Variants in EFR3B observed in about 807,000 individuals in gnomAD.
EFR3B encodes protein EFR3 homolog B.
In EFR3B, 64 loss-of-function variants were observed where a neutral mutation model predicts 104.7. That is an observed-to-expected ratio of 0.61 (90% CI 0.50 to 0.75). The LOEUF (loss-of-function observed/expected upper bound fraction) is 0.75. Ranked by LOEUF, EFR3B falls within the 30% of genes least tolerant of loss-of-function variation. The probability of loss-of-function intolerance (pLI) is 0.00; values close to 1 mark genes in which losing one functional copy is unlikely to be tolerated. For missense variants in EFR3B, 750 were observed against 1,078.5 expected, an observed-to-expected ratio of 0.70 and a Z score of 4.27; for synonymous variants, 385 against 417.9, an observed-to-expected ratio of 0.92 and a Z score of 0.96.
At chr2:25,081,451 G>A in intron 1 of EFR3B, 3 of 1,435,386 alleles carry the variant, frequency 2.1e-6, no homozygotes, top group Non-Finnish European at 2.9e-6. Flanking sequence ...AGCTTCATCT[G>A]GTGATTTTGC....
chr2:25,059,875 CAAAAAAA>C lies in EFR3B; in HGVS notation c.7+17576_7+17582del, dbSNP rs773320701. Among the ~76,000 whole-genome samples, 147 of 48,758 alleles carry C rather than the reference CAAAAAAA, an allele frequency of 3.0e-3. 2 individuals carry two copies. The highest frequency in any genetic ancestry group is 0.012 in the African/African-American group (135 of 11,020). 32.0% of individuals were successfully genotyped at this position (48,758 alleles called of 152,430 possible). On this transcript the variant is annotated intron_variant, in intron 1 of 22. Coordinates refer to ENST00000403714, the MANE Select transcript of EFR3B (RefSeq NM_014971.2). Reference sequence around the variant, plus strand: ...GGGCAACAAGAGCAAAACTCTGTCTCAAAAAAAAAAAAAAAAAAAAAAAAAAGACTAA... The same window carrying C: ...GGGCAACAAGAGCAAAACTCTGTCTCAAAAAAAAAAAAAAAAAAAGACTAA...
At chr2:25,070,249 C>T (rs1395971663) in intron 1 of EFR3B, among the ~76,000 whole-genome samples, 2 of 152,052 alleles carry the variant, frequency 1.3e-5, no homozygotes, top group African/African-American at 4.8e-5. Flanking sequence ...TTACCGGGGG[C>T]TTCTGATGAT....
At chr2:25,091,143 G>A (rs1330198836) in intron 1 of EFR3B, among the ~76,000 whole-genome samples, 182 bp from the exon 2 acceptor site, 2 of 152,232 alleles carry the variant, frequency 1.3e-5, no homozygotes, top group African/African-American at 4.8e-5. Flanking sequence ...GAGTGTGGGG[G>A]TAGGGGACAA....
intron 1 of EFR3B, among the ~76,000 whole-genome samples, chr2:25,052,791 C>CT (rs1667915680): frequency 6.6e-6 from 1 of 151,420 alleles, no homozygotes; most frequent in Non-Finnish European, 1.5e-5. Context: ...GCATGAGCCA[C>CT]TTTGCCCAGC....
At chr2:25,129,540 C>T (rs974548403) in intron 6 of EFR3B, among the ~76,000 whole-genome samples, 1 of 151,966 alleles carries the variant, frequency 6.6e-6, no homozygotes, top group Non-Finnish European at 1.5e-5. Context: ...AACCACTGTG[C>T]CTTTCCTTTT....
chr2:25,053,000 T>G (rs1457303830), intron 1 of EFR3B, among the ~76,000 whole-genome samples: 1 of 152,238 alleles, frequency 6.6e-6, no homozygotes, highest in Non-Finnish European at 1.5e-5. Context: ...GTCTGGGATT[T>G]GAACCTCAGC....
At chr2:25,118,516 T>G (rs1004405605) in intron 4 of EFR3B, among the ~76,000 whole-genome samples, 1 of 151,926 alleles carries the variant, frequency 6.6e-6, no homozygotes, top group Non-Finnish European at 1.5e-5. Flanking sequence ...TTTCCACATC[T>G]TAGCTATCTT....
chr2:25,151,123 G>A (rs1670995622), intron 20 of EFR3B, among the ~76,000 whole-genome samples: 1 of 151,608 alleles, frequency 6.6e-6, no homozygotes, highest in Admixed American at 6.6e-5. Flanking sequence ...TTTCTTCTTG[G>A]TGCTAACTCA....
intron 3 of EFR3B, among the ~76,000 whole-genome samples, chr2:25,096,773 C>G (rs1277891198): frequency 6.6e-6 from 1 of 152,174 alleles, no homozygotes; most frequent in African/African-American, 2.4e-5. Context: ...GAAGACGGAG[C>G]TGGTCTTGAA....
At chr2:25,056,509 C>T (rs1449225902) in intron 1 of EFR3B, among the ~76,000 whole-genome samples, 3 of 149,850 alleles carry the variant, frequency 2.0e-5, no homozygotes, top group East Asian at 1.9e-4. Context: ...GTCTGTATCT[C>T]GTTGCCTGGA....
At chr2:25,091,523 G>A in intron 2 of EFR3B, 122 bp downstream of exon 2, 1 of 834,878 alleles carries the variant, frequency 1.2e-6, no homozygotes, top group Non-Finnish European at 1.8e-6. Flanking sequence ...GGGTCCCTGG[G>A]CACTGAGCCT....
intron 19 of EFR3B, 54 bp downstream of exon 19, chr2:25,145,105 C>T: frequency 2.0e-6 from 3 of 1,498,408 alleles, no homozygotes; most frequent in Non-Finnish European, 2.7e-6. Context: ...AGATTGGACG[C>T]TGGACTCCAG....
At chr2:25,081,425 TTTTGGCAA>T in intron 1 of EFR3B, 1 of 1,361,992 alleles carries the variant, frequency 7.3e-7, no homozygotes, top group Non-Finnish European at 1.0e-6. Flanking sequence ...GTACCTACTT[TTTTGGCAA>T]TTGCATAAGC....
Position 25,153,693 on chromosome 2 carries a change from TC to T in EFR3B, c.2299-17del, listed in dbSNP as rs1442568530. The stretch of plus-strand genomic sequence containing the variant: ...GACCCCCCACCCCTGCCAGCTCACT[TC>T]CGTGTGTTTGTGTCTAGGCATCGCT... On this transcript the variant is annotated intron_variant, in intron 21 of 22. Coordinates refer to ENST00000403714, the MANE Select transcript of EFR3B (RefSeq NM_014971.2). 2.6e-6 allele frequency: 4 copies of T among 1,550,328 alleles called. No individual in the cohort carries two copies. Among genetic ancestry groups the T allele is most frequent in the Non-Finnish European group, 3.5e-6 (4 of 1,146,882 alleles).
At chr2:25,046,856 A>G (rs1400148887) in intron 1 of EFR3B, among the ~76,000 whole-genome samples, 1 of 152,092 alleles carries the variant, frequency 6.6e-6, no homozygotes, top group Non-Finnish European at 1.5e-5. Flanking sequence ...GCTCCTCCTC[A>G]GGGCGATCCC....
intron 1 of EFR3B, among the ~76,000 whole-genome samples, chr2:25,073,081 A>G (rs1368213031): frequency 6.6e-6 from 1 of 152,250 alleles, no homozygotes; most frequent in Non-Finnish European, 1.5e-5. Context: ...CTGGAATTTG[A>G]AGCATACATT....
chr2:25,124,347 G>A (rs1670105436), intron 5 of EFR3B, among the ~76,000 whole-genome samples: 1 of 149,174 alleles, frequency 6.7e-6, no homozygotes, highest in African/African-American at 2.5e-5. Flanking sequence ...CTCAGGGTCA[G>A]TGGATCAGTA....
At chr2:25,140,217 G>A (rs1218948704) in intron 16 of EFR3B, among the ~76,000 whole-genome samples, 3 of 152,268 alleles carry the variant, frequency 2.0e-5, no homozygotes, top group African/African-American at 7.2e-5. Flanking sequence ...GGAAGCTGAG[G>A]CAGGAGAATC....
intron 4 of EFR3B, among the ~76,000 whole-genome samples, chr2:25,119,232 A>G (rs1669949487): frequency 6.6e-6 from 1 of 152,218 alleles, no homozygotes; most frequent in African/African-American, 2.4e-5. Flanking sequence ...GGAAAACCAA[A>G]ACATAAAAAG....
Sources: allele counts gnomAD v4.1 joint callset (sites outside exome capture counted in the v4.1 genomes callset), GRCh38; gene constraint gnomAD v4.1.1; transcripts MANE v1.5; gene names NCBI Gene and HGNC (gene_info 2026-07-23, HGNC 2026-07-21).